Variants in SIM1 observed in about 807,000 individuals in gnomAD.
SIM1 encodes SIM bHLH transcription factor 1, also known as single-minded homolog 1.
SIM1 carries 18 observed loss-of-function variants against 78.2 expected under a neutral mutation model. That is an observed-to-expected ratio of 0.23 (90% confidence interval 0.16 to 0.34). The LOEUF (loss-of-function observed/expected upper bound fraction) is 0.34, where lower values mean the gene tolerates loss of function less well. SIM1 is among the 10% of genes least tolerant of loss of function. SIM1 has a pLI of 1.00. For synonymous variants in SIM1, 417 were observed against 385.2 expected, an observed-to-expected ratio of 1.08 and a Z score of -0.97; for missense variants, 939 against 975.1, an observed-to-expected ratio of 0.96 and a Z score of 0.49.
Position 100,387,717 on chromosome 6 carries a change from G to A in SIM1, c.*2644C>T, listed in dbSNP as rs186509348. ...AATTCTGTATTCTCTTAAAAATATT[G>A]GTCATGTCATTTTAAAGAGCATTAT... On this transcript the variant is annotated 3_prime_UTR_variant, in exon 12 of 12. Transcript: ENST00000369208. 323 of 151,944 alleles carry A rather than the reference G, an allele frequency of 2.1e-3. 1 individual carries two copies. The highest frequency in any genetic ancestry group is 7.0e-3 in the African/African-American group (290 of 41,470). 9.4% of individuals were successfully genotyped at this position (151,944 alleles called of 1,614,324 possible).
At chr6:100,459,562 C>T (rs761865188) in intron 2 of SIM1, among the ~76,000 whole-genome samples, 1 of 152,136 alleles carries the variant, frequency 6.6e-6, no homozygotes, top group Non-Finnish European at 1.5e-5. Flanking sequence ...TTTCAGTTCT[C>T]TGCCTCAAAA....
rs888899347 is a variant in SIM1 at position 100,393,943 on chromosome 6, A to G, written c.1168-54T>C. ...TTTCAAAAATCAATCGATCAGTAAG[A>G]GAAAACAAACAAACAAAAAACAGCC... On this transcript the variant is annotated intron_variant, in intron 10 of 11. Transcript: ENST00000369208. 4.0e-6 allele frequency: 6 copies of G among 1,501,440 alleles called. No individual in the cohort carries two copies. The African/African-American group carries it at 8.4e-5, about 21-fold the overall frequency. 93.0% of individuals were successfully genotyped at this position (1,501,440 alleles called of 1,614,324 possible). A position where few individuals can be genotyped will look rare whatever the true frequency, so the allele number is the denominator to read the frequency against.
In SIM1 at chr6:100,463,365, G is replaced by T; in HGVS notation, c.104C>A (p.Ser35Ter). The T allele has an allele frequency of 6.2e-7, 1 of 1,614,050 alleles. No individual in the cohort carries two copies. The highest frequency in any genetic ancestry group is 8.5e-7 in the Non-Finnish European group (1 of 1,179,962). The change falls in exon 2 of 12, where the codon TCG becomes TAG. Residue 35 changes from serine to a stop codon, truncating the protein, a stop_gained. Transcript: ENST00000369208. LOFTEE classifies it high-confidence loss of function. ...KLLPLPSAIT[S>*]QLDKASIIRL... ...GATTATGGATGCTTTGTCCAGCTGC[G>T]AGGTGATAGCCGAGGGCAAAGGCAG...
intron 9 of SIM1, 93 bp downstream of exon 9, chr6:100,447,175 G>A (rs540868422): frequency 2.5e-5 from 36 of 1,455,016 alleles, no homozygotes; most frequent in African/African-American, 7.0e-5. Context: ...CCCGTGGCCC[G>A]AGCCTTGTCT....
chr6:100,400,890 G>A (rs977441712), intron 10 of SIM1, among the ~76,000 whole-genome samples: 1 of 151,950 alleles, frequency 6.6e-6, no homozygotes, highest in African/African-American at 2.4e-5. Flanking sequence ...AGATGATCAT[G>A]GATGATAAAT....
At chr6:100,437,941 T>G (rs1772099022) in intron 9 of SIM1, among the ~76,000 whole-genome samples, 1 of 152,160 alleles carries the variant, frequency 6.6e-6, no homozygotes, top group Non-Finnish European at 1.5e-5. Flanking sequence ...GATCCCCGTC[T>G]CTCACCTTGT....
chr6:100,457,446 CTG>C lies in SIM1; in HGVS notation c.176-3604_176-3603del, dbSNP rs556146342. On this transcript the variant is annotated intron_variant, in intron 2 of 11. Coordinates refer to ENST00000369208, the MANE Select transcript of SIM1 (RefSeq NM_005068.3). ...TTCCTGAACAGCTTGTCTCAACCAACTGTGTATCCCTTGAGAGAGTGTAGGAG... is the reference window on the plus strand; with the variant it reads ...TTCCTGAACAGCTTGTCTCAACCAACTGTATCCCTTGAGAGAGTGTAGGAG... Among the ~76,000 whole-genome samples, 16 of 152,302 alleles carry C rather than the reference CTG, an allele frequency of 1.1e-4. 1 individual carries two copies. The highest frequency in any genetic ancestry group is 3.8e-4 in the African/African-American group (16 of 41,570).
At chr6:100,459,622 C>A (rs1772784065) in intron 2 of SIM1, among the ~76,000 whole-genome samples, 1 of 152,126 alleles carries the variant, frequency 6.6e-6, no homozygotes, top group African/African-American at 2.4e-5. Flanking sequence ...ATTATAGAAA[C>A]CATCTGTGGA....
At chr6:100,418,460 G>A (rs546791201) in intron 10 of SIM1, among the ~76,000 whole-genome samples, 73 of 152,062 alleles carry the variant, frequency 4.8e-4, no homozygotes, top group African/African-American at 1.7e-3. Flanking sequence ...ATCATAGAAC[G>A]TGTATAACTT....
chr6:100,421,232 G>T (rs1771573223), intron 9 of SIM1, among the ~76,000 whole-genome samples: 1 of 152,038 alleles, frequency 6.6e-6, no homozygotes, highest in South Asian at 2.1e-4. Flanking sequence ...GATGAGATAT[G>T]AATTAAACAA....
At chr6:100,435,554 A>G (rs1226266516) in intron 9 of SIM1, among the ~76,000 whole-genome samples, 1 of 152,072 alleles carries the variant, frequency 6.6e-6, no homozygotes, top group African/African-American at 2.4e-5. Context: ...GAACAAAACA[A>G]TGTGCCACGC....
At chr6:100,431,496 T>G (rs1771896855) in intron 9 of SIM1, among the ~76,000 whole-genome samples, 1 of 152,250 alleles carries the variant, frequency 6.6e-6, no homozygotes, top group Admixed American at 6.5e-5. Context: ...CCTACCATTA[T>G]TAGTAGTATT....
intron 4 of SIM1, among the ~76,000 whole-genome samples, 190 bp from the exon 5 acceptor site, chr6:100,449,889 A>G (rs760996922): frequency 2.6e-5 from 4 of 152,140 alleles, no homozygotes; most frequent in Non-Finnish European, 4.4e-5. Context: ...TTCCTTGTCT[A>G]TATAATAATA....
chr6:100,411,362 CAG>C (rs1771187567), intron 10 of SIM1, among the ~76,000 whole-genome samples: 1 of 152,200 alleles, frequency 6.6e-6, no homozygotes, highest in Non-Finnish European at 1.5e-5. Flanking sequence ...GAGTATGAGA[CAG>C]AGAGTGCTCA....
intron 2 of SIM1, among the ~76,000 whole-genome samples, chr6:100,457,435 G>T (rs73494617): frequency 6.6e-6 from 1 of 152,152 alleles, no homozygotes; most frequent in African/African-American, 2.4e-5. Flanking sequence ...TGAACAGCTT[G>T]TCTCAACCAA....
Position 100,393,764 on chromosome 6 carries a change from G to A in SIM1, c.1293C>T (p.Asp431=), listed in dbSNP as rs139715467. 5 of 1,614,212 alleles carry A rather than the reference G, an allele frequency of 3.1e-6. No homozygotes were observed. Among genetic ancestry groups the A allele is most frequent in the Middle Eastern group, 1.6e-4 (1 of 6,062 alleles). ...AAAACTGTCTGTAGGCGCACGATGC[G>A]TCGTGCTGGGAGCCAGGCCTATCGG... ...DPADRPGSQH[D]ASCAYRQFSD... The change falls in exon 11 of 12, where the codon GAC becomes GAT. Residue 431 remains aspartate, a synonymous_variant. Coordinates refer to ENST00000369208, the MANE Select transcript of SIM1 (RefSeq NM_005068.3).
Position 100,463,531 on chromosome 6 carries a change from T to A in SIM1, c.-63A>T, listed in dbSNP as rs912405331. The A allele has an allele frequency of 6.8e-7, 1 of 1,468,952 alleles. No individual in the cohort carries two copies. Among genetic ancestry groups the A allele is most frequent in the Non-Finnish European group, 9.2e-7 (1 of 1,081,934 alleles). 91.0% of individuals were successfully genotyped at this position (1,468,952 alleles called of 1,614,324 possible). A position where few individuals can be genotyped will look rare whatever the true frequency, so the allele number is the denominator to read the frequency against. On this transcript the variant is annotated 5_prime_UTR_variant, in exon 2 of 12. Coordinates refer to ENST00000369208, the MANE Select transcript of SIM1 (RefSeq NM_005068.3). ...CCGCAGATTCATCCAAAACCAAAAA[T>A]AAACTTTCAATTAGAGATCATATTT...
intron 10 of SIM1, among the ~76,000 whole-genome samples, chr6:100,405,203 A>T (rs550819449): frequency 6.6e-6 from 1 of 152,122 alleles, no homozygotes; most frequent in African/African-American, 2.4e-5. Flanking sequence ...ATTCAATTAC[A>T]TACAGTTCCT....
Position 100,386,432 on chromosome 6 carries a change from T to C in SIM1, c.*3929A>G, listed in dbSNP as rs980089229. On this transcript the variant is annotated 3_prime_UTR_variant, in exon 12 of 12. Coordinates refer to ENST00000369208, the MANE Select transcript of SIM1 (RefSeq NM_005068.3). ...GAGAGAGCTATAAAAATCAAATGTG[T>C]ATTCAGAAGATTTCTTTATCTGTGC... 1 of 152,072 alleles carries C rather than the reference T, an allele frequency of 6.6e-6. No homozygotes were observed. The highest frequency in any genetic ancestry group is 2.4e-5 in the African/African-American group (1 of 41,450). The allele number at this position is 152,072 out of a possible 1,614,324, so 9.4% of individuals were successfully genotyped here.
Sources: gnomAD v4.1 joint callset for allele counts (sites outside exome capture counted in the v4.1 genomes callset) on GRCh38, gnomAD v4.1.1 for gene constraint, MANE v1.5 for transcripts, NCBI Gene and HGNC (gene_info 2026-07-23, HGNC 2026-07-21) for gene names.